Variants in TMOD3 observed in about 807,000 individuals in gnomAD.
TMOD3 encodes the protein tropomodulin 3, also known as tropomodulin-3.
A neutral mutation model predicts 39.2 loss-of-function variants in TMOD3; 20 were observed. That is an observed-to-expected ratio of 0.51 (90% CI 0.36 to 0.74). TMOD3 has a LOEUF of 0.74. Ranked by LOEUF, TMOD3 falls within the 30% of genes least tolerant of loss-of-function variation. The pLI is 0.00. For synonymous variants in TMOD3, 143 were observed against 145.8 expected (o/e 0.98, Z 0.14); for missense variants, 381 against 412.8 (o/e 0.92, Z 0.67).
chr15:51,864,860 A>ATGAAAGGTG (rs1467756243), intron 2 of TMOD3, among the ~76,000 whole-genome samples: 1 of 152,154 alleles, frequency 6.6e-6, no homozygotes, highest in African/African-American at 2.4e-5. Context: ...TGGTTTGCGT[A>ATGAAAGGTG]TGAAAGGTGT....
chr15:51,832,975 C>T (rs1401406614), intron 1 of TMOD3, among the ~76,000 whole-genome samples: 1 of 152,180 alleles, frequency 6.6e-6, no homozygotes, highest in East Asian at 1.9e-4. Flanking sequence ...GTGGCTAAAG[C>T]GCTATCATCC....
chr15:51,829,842 C>A lies in TMOD3; in HGVS notation c.-75+6C>A, dbSNP rs2141660776. On this transcript the variant is annotated splice_donor_region_variant and intron_variant, in intron 1 of 9. Transcript: ENST00000308580. ...CCCCTGCGGGCGCCAGTCAGGTAAG[C>A]CCAGCCCGGTGCTTTCCAGGAAGTC... 6.6e-6 allele frequency: 1 copy of A among 152,470 alleles called. No homozygotes were observed. Among genetic ancestry groups the A allele is most frequent in the African/African-American group, 2.4e-5 (1 of 41,582 alleles). 9.4% of individuals were successfully genotyped at this position (152,470 alleles called of 1,614,324 possible).
At chr15:51,880,686 ATATTT>A (rs2056528383) in intron 3 of TMOD3, among the ~76,000 whole-genome samples, 1 of 152,188 alleles carries the variant, frequency 6.6e-6, no homozygotes, top group Non-Finnish European at 1.5e-5. Flanking sequence ...TGGCTGAATA[ATATTT>A]TATTGTGGAT....
intron 3 of TMOD3, among the ~76,000 whole-genome samples, chr15:51,877,309 A>C (rs1226981347): frequency 6.6e-6 from 1 of 152,186 alleles, no homozygotes. Flanking sequence ...TATACCTATA[A>C]ATATTCTTGA....
intron 1 of TMOD3, among the ~76,000 whole-genome samples, chr15:51,842,579 A>G (rs2056317533): frequency 6.6e-6 from 1 of 152,144 alleles, no homozygotes; most frequent in African/African-American, 2.4e-5. Flanking sequence ...TGAATATCAT[A>G]GTACTTCATT....
At chr15:51,879,856 T>TCTCA (rs1555387131) in intron 3 of TMOD3, among the ~76,000 whole-genome samples, 6 of 142,558 alleles carry the variant, frequency 4.2e-5, no homozygotes, top group African/African-American at 1.3e-4. Context: ...TCTCTGTCTT[T>TCTCA]CACACACACA....
intron 9 of TMOD3, among the ~76,000 whole-genome samples, chr15:51,902,543 A>G (rs1595913062): frequency 6.6e-6 from 1 of 151,218 alleles, no homozygotes; most frequent in Non-Finnish European, 1.5e-5. Flanking sequence ...CCATCTCGGC[A>G]CACTGCAACC....
In TMOD3 at chr15:51,869,094, A is replaced by G. The variant is rs1026181077; in HGVS notation, c.127-123A>G. 2.6e-5 allele frequency: 26 copies of G among 1,018,230 alleles called. No individual in the cohort carries two copies. The South Asian group carries it at 3.0e-4, about 12-fold the overall frequency. The allele number at this position is 1,018,230 out of a possible 1,614,324, so 63.1% of individuals were successfully genotyped here. A position where few individuals can be genotyped will look rare whatever the true frequency, so the allele number is the denominator to read the frequency against. ...TACATTGCTGTCCTAAAATCCTGCA[A>G]TGAAGTGTTTAGTGCCTGTATCACA... is the stretch of plus-strand genomic sequence containing the variant. On this transcript the variant is annotated intron_variant, in intron 2 of 9. Coordinates refer to ENST00000308580, the MANE Select transcript of TMOD3 (RefSeq NM_014547.5).
chr15:51,861,376 C>G (rs2554328), intron 1 of TMOD3: 4,400 of 184,470 alleles, frequency 0.024, 206 homozygotes, highest in African/African-American at 0.099. Flanking sequence ...TTGTTGGACC[C>G]AAGGTGGTTG....
At chr15:51,855,925 T>C (rs939656148) in intron 1 of TMOD3, among the ~76,000 whole-genome samples, 1 of 152,128 alleles carries the variant, frequency 6.6e-6, no homozygotes, top group African/African-American at 2.4e-5. Context: ...GAAGGTAAAA[T>C]CAAGTTAGAG....
chr15:51,860,420 A>G, intron 1 of TMOD3: 1 of 550,710 alleles, frequency 1.8e-6, no homozygotes, highest in Non-Finnish European at 3.7e-6. Flanking sequence ...GTTTTTCAGC[A>G]TGCATCAGCT....
At chr15:51,886,030 G>T (rs181998090) in intron 3 of TMOD3, among the ~76,000 whole-genome samples, 8,338 of 151,692 alleles carry the variant, frequency 0.055, 266 homozygotes, top group Middle Eastern at 0.13. Context: ...CCCAGACGGG[G>T]TGGCTGCCGG....
chr15:51,902,642 G>GTTTTTTTTTTTTTTTTTTTTTT (rs1286780618), intron 9 of TMOD3, among the ~76,000 whole-genome samples: 1 of 63,354 alleles, frequency 1.6e-5, no homozygotes. Context: ...GCTAATTTTT[G>GTTTTTTTTTTTTTTTTTTTTTT]TATTTTTTTT....
At chr15:51,854,976 A>T (rs908730649) in intron 1 of TMOD3, among the ~76,000 whole-genome samples, 9 of 152,228 alleles carry the variant, frequency 5.9e-5, no homozygotes, top group African/African-American at 2.2e-4. Flanking sequence ...AATGAAAAGG[A>T]AGATGGTAAA....
chr15:51,872,086 A>T (rs1158116690), intron 3 of TMOD3, among the ~76,000 whole-genome samples: 1 of 152,168 alleles, frequency 6.6e-6, no homozygotes, highest in Non-Finnish European at 1.5e-5. Context: ...CCATGTAATT[A>T]CCATTCAGGT....
chr15:51,889,111 A>G lies in TMOD3; in HGVS notation c.462A>G (p.Gly154=). Residue 154 remains glycine, a synonymous_variant, in exon 5 of 10, where the codon GGA becomes GGG. Transcript: ENST00000308580. Reference sequence around the variant, plus strand: ...ATACAAAGTTCTGTAATATAATGGGAAGTAGTAATGGTGTTGACCAAGAAC... The same window carrying G: ...ATACAAAGTTCTGTAATATAATGGGGAGTAGTAATGGTGTTGACCAAGAAC... The part of the protein sequence containing the change: ...ITNTKFCNIM[G]SSNGVDQEHF... The G allele has an allele frequency of 6.2e-7, 1 of 1,601,276 alleles. No homozygotes were observed. Among genetic ancestry groups the G allele is most frequent in the Non-Finnish European group, 8.5e-7 (1 of 1,175,390 alleles).
chr15:51,876,626 T>C (rs1015573226), intron 3 of TMOD3, among the ~76,000 whole-genome samples: 1 of 151,856 alleles, frequency 6.6e-6, no homozygotes, highest in Middle Eastern at 3.2e-3. Context: ...CTCGCCCGGC[T>C]AATTTTTTGT....
At chr15:51,893,764 CAA>C (rs11370809) in intron 5 of TMOD3, 49 bp from the exon 6 acceptor site, 321 of 1,241,852 alleles carry the variant, frequency 2.6e-4, no homozygotes, top group South Asian at 1.1e-3. Flanking sequence ...GACTCCGTCT[CAA>C]AAAAAAAAAA....
At chr15:51,907,527 C>T (rs576849287) in intron 9 of TMOD3, among the ~76,000 whole-genome samples, 279 of 152,328 alleles carry the variant, frequency 1.8e-3, no homozygotes, top group Non-Finnish European at 2.8e-3. Context: ...CAGAAGAGCA[C>T]AAGAGCAGAG....
Sources: gnomAD v4.1 joint callset for allele counts (sites outside exome capture counted in the v4.1 genomes callset) on GRCh38, gnomAD v4.1.1 for gene constraint, MANE v1.5 for transcripts, NCBI Gene and HGNC (gene_info 2026-07-23, HGNC 2026-07-21) for gene names.